RSPH3: variants seen among roughly 807,000 people sequenced by gnomAD.
RSPH3 encodes the protein radial spoke head 3.
RSPH3 carries 21 observed loss-of-function variants against 43.8 expected under a neutral mutation model. The ratio of observed to expected loss-of-function variants is 0.48; its 90% CI spans 0.34 to 0.69. RSPH3 has a LOEUF of 0.69. Ranked by LOEUF, RSPH3 falls within the 30% of genes least tolerant of loss-of-function variation. The pLI is 0.01. For missense variants in RSPH3, 487 were observed against 516.0 expected (o/e 0.94, Z 0.54); for synonymous variants, 173 against 179.8 (o/e 0.96, Z 0.30).
At chr6:158,991,157 G>A (rs527650897) in intron 2 of RSPH3, among the ~76,000 whole-genome samples, 60 of 152,004 alleles carry the variant, frequency 3.9e-4, no homozygotes, top group South Asian at 6.2e-4. Flanking sequence ...ATTTTTGATT[G>A]TTGCTTTAAA....
intron 2 of RSPH3, among the ~76,000 whole-genome samples, chr6:158,988,587 C>G (rs1778305859): frequency 6.6e-6 from 1 of 152,002 alleles, no homozygotes; most frequent in Non-Finnish European, 1.5e-5. Flanking sequence ...ATTCTTTTTT[C>G]TCCTCAGACT....
At chr6:158,991,364 T>C (rs558571229) in intron 2 of RSPH3, among the ~76,000 whole-genome samples, 1 of 152,340 alleles carries the variant, frequency 6.6e-6, no homozygotes, top group East Asian at 1.9e-4. Flanking sequence ...CTTTTTGTTT[T>C]AGTGCACAAG....
At chr6:158,963,324 TTTCC>T in the RSPH3 span, among the ~76,000 whole-genome samples, 1 of 145,356 alleles carries the variant, frequency 6.9e-6, no homozygotes, top group East Asian at 2.1e-4. Flanking sequence ...CTCCTCTCTC[TTTCC>T]TTCCTTCCTT....
In RSPH3 at chr6:158,977,732, G is replaced by A. The variant is rs12191022; in HGVS notation, c.1063C>T (p.Leu355=). Residue 355 remains leucine (L), a synonymous_variant, in exon 8 of 8, where the codon CTG becomes TTG. Coordinates refer to ENST00000367069, the MANE Select transcript of RSPH3 (RefSeq NM_031924.8). Reference sequence around the variant, plus strand: ...TGCTCCAGGAATTCAGAGGCCTCCAGTGACTCTGTCATTGCTCCAGGACCA... The same window carrying A: ...TGCTCCAGGAATTCAGAGGCCTCCAATGACTCTGTCATTGCTCCAGGACCA... The part of the protein sequence containing the change: ...PGGPGAMTES[L]EASEFLEQSM... 0.11 allele frequency: 173,482 copies of A among 1,613,654 alleles called. 16,934 individuals carry two copies. Among genetic ancestry groups the A allele is most frequent in the East Asian group, 0.46 (20,503 of 44,844 alleles).
At chr6:158,971,123 G>C (rs1161607729), downstream of RSPH3, among the ~76,000 whole-genome samples, 2 of 152,150 alleles carry the variant, frequency 1.3e-5, no homozygotes, top group African/African-American at 4.8e-5. Flanking sequence ...GTTTTATTGT[G>C]GGGGTGGGGA....
At chr6:158,983,915 C>A in intron 3 of RSPH3, 108 bp from the exon 4 acceptor site, 2 of 733,466 alleles carry the variant, frequency 2.7e-6, no homozygotes, top group South Asian at 1.7e-5. Flanking sequence ...GGGTGCATTA[C>A]TTGAAGCCAG....
Position 158,999,902 on chromosome 6 carries a change from G to A in RSPH3, c.-352C>T, listed in dbSNP as rs202214576. On this transcript the variant is annotated 5_prime_UTR_variant, in exon 1 of 8. Coordinates refer to ENST00000367069, the MANE Select transcript of RSPH3 (RefSeq NM_031924.8). ...CCGGCTCTTGACTCCGCCCAGCCGC[G>A]CCACCCAGGTAGGTGCGCCTGCGCT... The A allele has an allele frequency of 2.2e-5, 36 of 1,613,142 alleles. No homozygotes were observed. The East Asian group carries it at 3.3e-4, about 15-fold the overall frequency.
intron 4 of RSPH3, among the ~76,000 whole-genome samples, chr6:158,983,161 A>C (rs989857672): frequency 3.9e-5 from 6 of 152,224 alleles, no homozygotes; most frequent in Non-Finnish European, 8.8e-5. Context: ...AAACTCACTT[A>C]GGTCATTATG....
At position 159,000,112 on chromosome 6, in the gene RSPH3, C is replaced by CTG; in HGVS notation, c.-563_-562insCA. On this transcript the variant is annotated 5_prime_UTR_variant, in exon 1 of 8. Transcript: ENST00000367069. ...AGGGTGTCCTCGGCTGTTTCTCCTG[C>CTG]CGCGGCGCAGCAGCGCTCCCAGGCT... is the stretch of plus-strand genomic sequence containing the variant. 1 of 947,148 alleles carries CTG rather than the reference C, an allele frequency of 1.1e-6. No homozygotes were observed. The highest frequency in any genetic ancestry group is 1.5e-6 in the Non-Finnish European group (1 of 662,060). The allele number at this position is 947,148 out of a possible 1,614,324, so 58.7% of individuals were successfully genotyped here.
At chr6:158,985,690 CA>C (rs1187341361) in intron 3 of RSPH3, among the ~76,000 whole-genome samples, 3 of 151,922 alleles carry the variant, frequency 2.0e-5, no homozygotes, top group African/African-American at 7.3e-5. Flanking sequence ...GTTGGGATTA[CA>C]GATGTGAGCC....
chr6:158,992,458 T>G (rs1220604688), intron 2 of RSPH3, among the ~76,000 whole-genome samples: 4 of 80,910 alleles, frequency 4.9e-5, no homozygotes, highest in African/African-American at 1.4e-4. Context: ...TTTTGTGGGG[T>G]TTTTTTTTTT....
the RSPH3 span, among the ~76,000 whole-genome samples, chr6:158,965,394 TTAAGTG>T: frequency 6.6e-6 from 1 of 152,132 alleles, no homozygotes. Context: ...CTTTACATCA[TTAAGTG>T]TCCCAACATG....
At chr6:158,978,897 T>C (rs993001118) in intron 6 of RSPH3, among the ~76,000 whole-genome samples, 1 of 152,264 alleles carries the variant, frequency 6.6e-6, no homozygotes. Context: ...GTTTCCTTCA[T>C]AGGTGCAATC....
intron 3 of RSPH3, 79 bp downstream of exon 3, chr6:158,986,201 C>T (rs1778233282): frequency 6.9e-7 from 1 of 1,440,084 alleles, no homozygotes; most frequent in South Asian, 1.3e-5. Flanking sequence ...ATAAGTAATA[C>T]AAAGGCCAAA....
At chr6:158,997,271 CTTTT>C (rs35951023) in intron 1 of RSPH3, among the ~76,000 whole-genome samples, 16 of 129,072 alleles carry the variant, frequency 1.2e-4, no homozygotes, top group Admixed American at 6.4e-4. Flanking sequence ...CTCCTGAACA[CTTTT>C]TTTTTTTTTT....
At position 158,999,871 on chromosome 6, in the gene RSPH3, G is replaced by A. The variant is rs546435437; in HGVS notation, c.-321C>T. The A allele has an allele frequency of 1.1e-5, 18 of 1,613,760 alleles. No individual in the cohort carries two copies. In the African/African-American group the frequency reaches 1.9e-4, roughly 17 times the overall value. On this transcript the variant is annotated 5_prime_UTR_variant, in exon 1 of 8. Coordinates refer to ENST00000367069, the MANE Select transcript of RSPH3 (RefSeq NM_031924.8). Reference sequence around the variant, plus strand: ...TTCCCGGGAAGGACTGCGGCACAAGGGACTTCCGGCTCTTGACTCCGCCCA... The same window carrying A: ...TTCCCGGGAAGGACTGCGGCACAAGAGACTTCCGGCTCTTGACTCCGCCCA...
intron 5 of RSPH3, among the ~76,000 whole-genome samples, chr6:158,982,067 T>C (rs1389383800): frequency 2.0e-5 from 3 of 152,170 alleles, no homozygotes; most frequent in Non-Finnish European, 4.4e-5. Flanking sequence ...CAGAATTCTA[T>C]CCAGATCCCC....
chr6:158,977,254 T>C lies in RSPH3; in HGVS notation c.*284A>G, dbSNP rs867565581. Reference sequence around the variant, plus strand: ...CAAAATTAGAAGGGCTAAGGAAAAATATATTTGCTGGTTACATATAATGGT... The same window carrying C: ...CAAAATTAGAAGGGCTAAGGAAAAACATATTTGCTGGTTACATATAATGGT... On this transcript the variant is annotated 3_prime_UTR_variant, in exon 8 of 8. Transcript: ENST00000367069. 3.2e-5 allele frequency: 11 copies of C among 346,284 alleles called. No individual in the cohort carries two copies. Among genetic ancestry groups the C allele is most frequent in the Non-Finnish European group, 4.6e-5 (9 of 194,524 alleles). 21.5% of individuals were successfully genotyped at this position (346,284 alleles called of 1,614,324 possible). A position where few individuals can be genotyped will look rare whatever the true frequency, so the allele number is the denominator to read the frequency against.
rs761136873 is a variant in RSPH3 at position 158,977,795 on chromosome 6, C to T, written c.1000G>A (p.Asp334Asn). 6.2e-7 allele frequency: 1 copy of T among 1,614,130 alleles called. No homozygotes were observed. ...KRLCMYEHGE[D>N]THQSPEPEDE... ...TCGGGTTCTGGAGACTGATGTGTGT[C>T]TTCCCCATGCTCATACATACACAGC... is the stretch of plus-strand genomic sequence containing the variant. The change falls in exon 8 of 8, where the codon GAC becomes AAC. Residue 334 changes from aspartate to asparagine, a missense_variant. Asp to Asn is a conservative substitution (Grantham distance 23). Coordinates refer to ENST00000367069, the MANE Select transcript of RSPH3 (RefSeq NM_031924.8).
Sources: gnomAD v4.1 joint callset for allele counts (sites outside exome capture counted in the v4.1 genomes callset) on GRCh38, gnomAD v4.1.1 for gene constraint, MANE v1.5 for transcripts, NCBI Gene and HGNC (gene_info 2026-07-23, HGNC 2026-07-21) for gene names.